The following KLRG1 variants were observed in gnomAD, a reference collection of about 807,000 sequenced individuals.
KLRG1 encodes killer cell lectin like receptor G1, also known as killer cell lectin-like receptor subfamily G member 1.
A neutral mutation model predicts 21.8 loss-of-function variants in KLRG1; 16 were observed. The observed-to-expected ratio is 0.73, with a 90% confidence interval of 0.50 to 1.11. The LOEUF is 1.11. KLRG1 is among the 50% of genes most tolerant of loss of function. The probability of loss-of-function intolerance (pLI) is 0.00; values close to 1 mark genes in which losing one functional copy is unlikely to be tolerated. For synonymous variants in KLRG1, 69 were observed against 75.9 expected, an observed-to-expected ratio of 0.91 and a Z score of 0.47; for missense variants, 173 against 218.3, an observed-to-expected ratio of 0.79 and a Z score of 1.31.
At chr12:8,992,069 G>C in intron 1 of KLRG1, 137 bp from the exon 2 acceptor site, 1 of 656,500 alleles carries the variant, frequency 1.5e-6, no homozygotes, top group Non-Finnish European at 2.7e-6. Flanking sequence ...GACACATCTA[G>C]AAAAGGAATC....
the KLRG1 span, chr12:9,093,383 T>C: frequency 1.1e-6 from 1 of 917,528 alleles, no homozygotes; most frequent in South Asian, 1.4e-5. Flanking sequence ...TATAAAACAA[T>C]AAAAACAGAA....
At chr12:9,152,227 A>C in the KLRG1 span, 7 of 1,599,048 alleles carry the variant, frequency 4.4e-6, no homozygotes, top group Non-Finnish European at 5.1e-6. Context: ...TACCATTTTT[A>C]CTGTTGGTTT....
At chr12:9,088,764 AGG>A in the KLRG1 span, among the ~76,000 whole-genome samples, 2 of 152,192 alleles carry the variant, frequency 1.3e-5, no homozygotes, top group Non-Finnish European at 2.9e-5. Context: ...ATAATGGTAA[AGG>A]CCATGACAAC....
the KLRG1 span, chr12:9,077,016 C>A: frequency 7.2e-7 from 1 of 1,386,936 alleles, no homozygotes; most frequent in Non-Finnish European, 9.6e-7. Flanking sequence ...CGGATCACAG[C>A]ACAGAAGTTT....
the KLRG1 span, among the ~76,000 whole-genome samples, chr12:9,143,986 G>T: frequency 6.6e-6 from 1 of 152,244 alleles, no homozygotes; most frequent in South Asian, 2.1e-4. Flanking sequence ...GTGTCCCCAA[G>T]ATTTCTTCTA....
intron 2 of KLRG1, 24 bp downstream of exon 2, chr12:8,992,334 T>A: frequency 6.8e-7 from 1 of 1,474,766 alleles, no homozygotes; most frequent in Admixed American, 2.0e-5. Context: ...TAAACCAAAA[T>A]TAATCTTTCA....
the KLRG1 span, among the ~76,000 whole-genome samples, chr12:9,130,453 C>A: frequency 6.6e-6 from 1 of 151,810 alleles, no homozygotes; most frequent in African/African-American, 2.4e-5. Flanking sequence ...TCCTTGCCAA[C>A]ACTTGTTACT....
At chr12:9,001,063 A>G (rs1011186454) in intron 3 of KLRG1, among the ~76,000 whole-genome samples, 10 of 152,208 alleles carry the variant, frequency 6.6e-5, no homozygotes, top group African/African-American at 2.4e-4. Context: ...ATTATAGGAT[A>G]TCTGAAAAGT....
chr12:9,195,692 G>A, the KLRG1 span, among the ~76,000 whole-genome samples: 1 of 146,936 alleles, frequency 6.8e-6, no homozygotes, highest in African/African-American at 2.5e-5. Context: ...GGCCTCAGGC[G>A]ATCCTCCCCC....
At chr12:9,077,347 G>A in the KLRG1 span, 1 of 1,612,816 alleles carries the variant, frequency 6.2e-7, no homozygotes. Context: ...GGTACCTACA[G>A]TGACTGTGAG....
the KLRG1 span, among the ~76,000 whole-genome samples, chr12:9,170,763 A>T: frequency 6.6e-6 from 1 of 152,168 alleles, no homozygotes; most frequent in Non-Finnish European, 1.5e-5. This position sits in a 1 kb window ranked among gnomAD's most constrained non-coding sequence, Gnocchi z 4.6. Flanking sequence ...TGGGACCCTG[A>T]TCCATTCCTC....
the KLRG1 span, among the ~76,000 whole-genome samples, chr12:9,131,714 C>T: frequency 2.6e-5 from 4 of 151,592 alleles, no homozygotes; most frequent in Admixed American, 6.6e-5. Flanking sequence ...ACTATATATA[C>T]GTTTATATAT....
At chr12:9,173,847 A>G in the KLRG1 span, among the ~76,000 whole-genome samples, 2 of 152,204 alleles carry the variant, frequency 1.3e-5, no homozygotes, top group African/African-American at 4.8e-5. Context: ...TAATCTACCA[A>G]CCAAAAAAAG....
At chr12:8,999,076 T>C (rs571884610) in intron 3 of KLRG1, among the ~76,000 whole-genome samples, 3 of 152,180 alleles carry the variant, frequency 2.0e-5, no homozygotes, top group Non-Finnish European at 4.4e-5. Context: ...AAGATTATTC[T>C]TGATAGAGAA....
At chr12:9,103,948 C>G in the KLRG1 span, among the ~76,000 whole-genome samples, 2 of 152,158 alleles carry the variant, frequency 1.3e-5, no homozygotes, top group Non-Finnish European at 2.9e-5. Flanking sequence ...ATTACTGGAT[C>G]ATTTGGTAAT....
the KLRG1 span, among the ~76,000 whole-genome samples, chr12:9,052,353 AGT>A: frequency 6.6e-6 from 1 of 152,112 alleles, no homozygotes; most frequent in Non-Finnish European, 1.5e-5. Flanking sequence ...CCCTCAGCAT[AGT>A]CTGACTTTGG....
intron 3 of KLRG1, among the ~76,000 whole-genome samples, chr12:9,006,440 G>A (rs1947476783): frequency 6.6e-6 from 1 of 152,176 alleles, no homozygotes. Flanking sequence ...ACCTTGGCAT[G>A]TTAAAGGAAA....
At chr12:9,207,862 T>C in the KLRG1 span, among the ~76,000 whole-genome samples, 6 of 152,208 alleles carry the variant, frequency 3.9e-5, no homozygotes, top group Admixed American at 3.3e-4. Flanking sequence ...GAAGACTTGA[T>C]ACATGATTGA....
chr12:9,115,921 A>C, the KLRG1 span: 1 of 1,296,284 alleles, frequency 7.7e-7, no homozygotes, highest in African/African-American at 1.5e-5. Context: ...TCTGGTCCCA[A>C]ACACTTCCCA....
Sources: allele counts gnomAD v4.1 joint callset (sites outside exome capture counted in the v4.1 genomes callset), GRCh38; gene constraint gnomAD v4.1.1; non-coding constraint Gnocchi (gnomAD v3.1); transcripts MANE v1.5; gene names NCBI Gene and HGNC (gene_info 2026-07-23, HGNC 2026-07-21).